The following NADSYN1 variants were observed in gnomAD, a reference collection of about 807,000 sequenced individuals.
NADSYN1 encodes NAD synthetase 1, also known as glutamine-dependent NAD(+) synthetase.
In NADSYN1, 80 loss-of-function variants were observed where a neutral mutation model predicts 99.3. The observed-to-expected ratio is 0.81, with a 90% CI of 0.67 to 0.97. The LOEUF is 0.97. Among genes scored for constraint, NADSYN1 ranks in the 50% least tolerant of loss-of-function variants. The pLI, the probability that NADSYN1 is intolerant of heterozygous loss-of-function variation, is 0.00. For missense variants in NADSYN1, 859 were observed against 948.5 expected, an observed-to-expected ratio of 0.91 and a Z score of 1.24; for synonymous variants, 385 against 372.1, an observed-to-expected ratio of 1.03 and a Z score of -0.40.
chr11:71,464,867 C>CAA (rs926724365), intron 5 of NADSYN1, among the ~76,000 whole-genome samples: 33 of 40,496 alleles, frequency 8.1e-4, no homozygotes, highest in African/African-American at 1.6e-3. Context: ...GACTCTGTCT[C>CAA]AAAAAAAAAA....
In NADSYN1 at chr11:71,482,686, C is replaced by T. The variant is rs112139685; in HGVS notation, c.1151-163C>T. On this transcript the variant is annotated intron_variant, in intron 13 of 20. Transcript: ENST00000319023. ...GGGTGTAGACTGGGGTGGAGCCGCA[C>T]AGGCACCTGGGGGTGTAGACCGGGG... 9.8e-4 allele frequency: 516 copies of T among 524,658 alleles called. 4 individuals carry two copies. The African/African-American group carries it at 1.0e-2, about 10-fold the overall frequency. The allele number at this position is 524,658 out of a possible 1,614,324, so 32.5% of individuals were successfully genotyped here.
chr11:71,477,317 ACACG>A (rs1949675445), intron 9 of NADSYN1: 1 of 900,552 alleles, frequency 1.1e-6, no homozygotes. Flanking sequence ...TTATGGCTTC[ACACG>A]GACCGTGGCT....
intron 5 of NADSYN1, among the ~76,000 whole-genome samples, chr11:71,465,422 G>A (rs1318976082): frequency 2.0e-5 from 3 of 152,206 alleles, no homozygotes; most frequent in Non-Finnish European, 2.9e-5. Flanking sequence ...TTGTAGCCAT[G>A]TTCAGCGCAG....
At chr11:71,487,830 CAAAA>C (rs71049984) in intron 16 of NADSYN1, among the ~76,000 whole-genome samples, 2 of 80,088 alleles carry the variant, frequency 2.5e-5, no homozygotes, top group Non-Finnish European at 2.4e-5. Flanking sequence ...GACTCCGTCT[CAAAA>C]AAAAAAAAAA....
chr11:71,489,577 T>A (rs1949765911), intron 16 of NADSYN1, among the ~76,000 whole-genome samples: 1 of 152,174 alleles, frequency 6.6e-6, no homozygotes, highest in Admixed American at 6.5e-5. Context: ...GACTGTCATC[T>A]CCCCTGGCCC....
chr11:71,462,216 A>G (rs957624641), intron 3 of NADSYN1, among the ~76,000 whole-genome samples: 1 of 152,172 alleles, frequency 6.6e-6, no homozygotes, highest in Non-Finnish European at 1.5e-5. Context: ...GCCGACCAGC[A>G]TGAGCATCAA....
intron 5 of NADSYN1, among the ~76,000 whole-genome samples, chr11:71,471,139 C>T (rs12278461): frequency 0.56 from 85,040 of 152,098 alleles, 26,667 homozygotes; most frequent in Non-Finnish European, 0.74. Context: ...CCCCGTTCGT[C>T]TCATGAACGC....
chr11:71,491,459 G>C (rs1266129808), intron 17 of NADSYN1, among the ~76,000 whole-genome samples: 1 of 152,118 alleles, frequency 6.6e-6, no homozygotes, highest in East Asian at 1.9e-4. Flanking sequence ...CGCCACACGG[G>C]GTGTGCTGGG....
chr11:71,469,026 G>A (rs1949610855), intron 5 of NADSYN1, among the ~76,000 whole-genome samples: 1 of 152,194 alleles, frequency 6.6e-6, no homozygotes, highest in Non-Finnish European at 1.5e-5. Context: ...GGCACAGTGT[G>A]AAAAGCATTC....
intron 5 of NADSYN1, among the ~76,000 whole-genome samples, chr11:71,471,116 C>T (rs1949623432): frequency 6.6e-6 from 1 of 152,182 alleles, no homozygotes; most frequent in African/African-American, 2.4e-5. Flanking sequence ...GTGTGGGGCT[C>T]CTGTTCCTTC....
At chr11:71,484,264 GCA>G (rs1949727404) in intron 14 of NADSYN1, 46 bp from the exon 15 acceptor site, 1 of 1,598,542 alleles carries the variant, frequency 6.3e-7, no homozygotes, top group Non-Finnish European at 8.6e-7. Flanking sequence ...GCACACACAT[GCA>G]CACACGTGCA....
intron 15 of NADSYN1, 198 bp from the exon 16 acceptor site, chr11:71,485,344 G>C (rs937409053): frequency 1.3e-5 from 6 of 448,252 alleles, no homozygotes; most frequent in Middle Eastern, 6.0e-4. Flanking sequence ...CACTGAGCTT[G>C]TGTGAGCCCT....
intron 18 of NADSYN1, among the ~76,000 whole-genome samples, chr11:71,493,275 T>G (rs1226864071): frequency 6.6e-6 from 1 of 152,202 alleles, no homozygotes; most frequent in Non-Finnish European, 1.5e-5. Flanking sequence ...TCAAAATATT[T>G]TATTGTTTTT....
At chr11:71,460,143 G>C (rs1949541777) in intron 3 of NADSYN1, 1 of 152,314 alleles carries the variant, frequency 6.6e-6, no homozygotes, top group Non-Finnish European at 1.5e-5. Context: ...ACCCTTGCTG[G>C]CTGGCCCAGA....
In NADSYN1 at chr11:71,497,550, G is replaced by A. The variant is rs187130128; in HGVS notation, c.1832G>A (p.Gly611Glu). 1 of 1,614,152 alleles carries A rather than the reference G, an allele frequency of 6.2e-7. No homozygotes were observed. Among genetic ancestry groups the A allele is most frequent in the South Asian group, 1.1e-5 (1 of 91,068 alleles). Residue 611 changes from glycine (G) to glutamate (E), a missense_variant, in exon 19 of 21, where the codon GGG (glycine) becomes GAG (glutamate). Transcript: ENST00000319023. The part of the protein sequence containing the change: ...YGKLRKVAKM[G>E]PYSMFCKLLG... ...AAACTCAGGAAGGTGGCCAAGATGGGGCCCTACAGCATGTTCTGCAAACTC... is the reference window on the plus strand; with the variant it reads ...AAACTCAGGAAGGTGGCCAAGATGGAGCCCTACAGCATGTTCTGCAAACTC...
At chr11:71,483,286 G>A (rs972019584) in intron 14 of NADSYN1, among the ~76,000 whole-genome samples, 1 of 152,138 alleles carries the variant, frequency 6.6e-6, no homozygotes, top group African/African-American at 2.4e-5. Flanking sequence ...CTTGGTTTGA[G>A]CCAGATTTCA....
At position 71,478,513 on chromosome 11, in the gene NADSYN1, C is replaced by T. The variant is rs372233227; in HGVS notation, c.873+44C>T. ...ACCTGTGTGGGATGCTCATCAAAGA[C>T]GTGGAAAGTGGCCCCATTCGTGCGG... is the stretch of plus-strand genomic sequence containing the variant. On this transcript the variant is annotated intron_variant, in intron 10 of 20. Coordinates refer to ENST00000319023, the MANE Select transcript of NADSYN1 (RefSeq NM_018161.5). 1.7e-4 allele frequency: 258 copies of T among 1,538,388 alleles called. No individual in the cohort carries two copies. The African/African-American group carries it at 3.2e-3, about 19-fold the overall frequency.
At chr11:71,458,810 G>A (rs1056380918) in intron 3 of NADSYN1, 31 of 376,336 alleles carry the variant, frequency 8.2e-5, no homozygotes, top group Non-Finnish European at 1.4e-4. Context: ...TGCACAAAGG[G>A]GAATGCAGCA....
intron 5 of NADSYN1, among the ~76,000 whole-genome samples, chr11:71,471,291 C>A (rs1949625127): frequency 6.6e-6 from 1 of 152,204 alleles, no homozygotes; most frequent in Non-Finnish European, 1.5e-5. Context: ...GGTTTCTAAT[C>A]CTCTGGGAGC....
Sources: gnomAD v4.1 joint callset for allele counts (sites outside exome capture counted in the v4.1 genomes callset) on GRCh38, gnomAD v4.1.1 for gene constraint, MANE v1.5 for transcripts, NCBI Gene and HGNC (gene_info 2026-07-23, HGNC 2026-07-21) for gene names.